The following SESN2 variants were observed in gnomAD, a reference collection of about 807,000 sequenced individuals.
The protein encoded by SESN2 is sestrin 2.
A neutral mutation model predicts 56.0 loss-of-function variants in SESN2; 42 were observed. That is an observed-to-expected ratio of 0.75 (90% CI 0.59 to 0.97). SESN2 has a LOEUF of 0.97. SESN2 is among the 50% of genes least tolerant of loss of function. SESN2 has a pLI of 0.00. For synonymous variants in SESN2, 264 were observed against 267.1 expected (o/e 0.99, Z 0.11); for missense variants, 507 against 649.4 (o/e 0.78, Z 2.38).
At position 28,271,846 on chromosome 1, in the gene SESN2, C is replaced by T. The variant is rs748874332; in HGVS notation, c.329C>T (p.Ser110Phe). The T allele has an allele frequency of 1.9e-6, 3 of 1,614,190 alleles. No individual in the cohort carries two copies. Among genetic ancestry groups the T allele is most frequent in the East Asian group, 2.2e-5 (1 of 44,882 alleles). The change falls in exon 3 of 10, where the codon TCC becomes TTC. Residue 110 changes from serine to phenylalanine, a missense_variant. Coordinates refer to ENST00000253063, the MANE Select transcript of SESN2 (RefSeq NM_031459.5). ...CACACGGATGGTCCCTTGGCCAGCT[C>T]CTGGCGCCACTACATTGCCATCATG... ...LLHTDGPLAS[S>F]WRHYIAIMAA...
At position 28,269,089 on chromosome 1, in the gene SESN2, T is replaced by C. The variant is rs533307421; in HGVS notation, c.91-94T>C. 4.9e-5 allele frequency: 42 copies of C among 859,202 alleles called. No homozygotes were observed. In the East Asian group the frequency reaches 1.1e-3, roughly 23 times the overall value. 53.2% of individuals were successfully genotyped at this position (859,202 alleles called of 1,614,324 possible). A position where few individuals can be genotyped will look rare whatever the true frequency, so the allele number is the denominator to read the frequency against. ...TAGAAAGGTGGGTTTAACACTTCAGTGTAGCCCCTTGGATAGGAGGAAGAG... is the reference window on the plus strand; with the variant it reads ...TAGAAAGGTGGGTTTAACACTTCAGCGTAGCCCCTTGGATAGGAGGAAGAG... On this transcript the variant is annotated intron_variant, in intron 1 of 9. Transcript: ENST00000253063.
intron 1 of SESN2, among the ~76,000 whole-genome samples, chr1:28,260,928 CGCTATAGCCCCATTTTACAGGAAGAACA>C (rs1331899532): frequency 3.3e-5 from 5 of 152,106 alleles, no homozygotes; most frequent in Admixed American, 3.3e-4. Context: ...ATACAAGCTA[CGCTATAGCCCCATTTTACAGGAAGAACA>C]TTGAGGCCCA....
chr1:28,259,978 C>T, intron 1 of SESN2, 41 bp downstream of exon 1: 4 of 1,417,566 alleles, frequency 2.8e-6, no homozygotes, highest in Non-Finnish European at 3.8e-6. Flanking sequence ...CCTGGAACCC[C>T]GAACCGCGTC....
chr1:28,263,661 C>T (rs2149035958), intron 1 of SESN2, among the ~76,000 whole-genome samples: 1 of 152,046 alleles, frequency 6.6e-6, no homozygotes, highest in East Asian at 1.9e-4. Context: ...AGACAGAACC[C>T]TTGGAAGCCA....
chr1:28,277,975 GC>G (rs1449472891), intron 8 of SESN2, among the ~76,000 whole-genome samples: 1 of 152,108 alleles, frequency 6.6e-6, no homozygotes, highest in Admixed American at 6.6e-5. Flanking sequence ...TTCCAAATCT[GC>G]CCTCCAGTTT....
intron 9 of SESN2, among the ~76,000 whole-genome samples, chr1:28,280,043 G>A (rs1032836093): frequency 3.3e-5 from 5 of 151,822 alleles, no homozygotes; most frequent in African/African-American, 1.2e-4. Flanking sequence ...TCACTGTGTT[G>A]TCCATCCTGG....
intron 6 of SESN2, among the ~76,000 whole-genome samples, 197 bp from the exon 7 acceptor site, chr1:28,273,843 G>C (rs184401012): frequency 6.6e-6 from 1 of 152,146 alleles, no homozygotes; most frequent in Non-Finnish European, 1.5e-5. Flanking sequence ...CAGGGGCCTC[G>C]CTTCATGGGT....
In SESN2 at chr1:28,280,038, G is replaced by A. The variant is rs148115116; in HGVS notation, c.1357-678G>A. The stretch of plus-strand genomic sequence containing the variant: ...TTCCTAGTAGAGATAAGGTCTCACT[G>A]TGTTGTCCATCCTGGTCTCAACCTC... On this transcript the variant is annotated intron_variant, in intron 9 of 9. Transcript: ENST00000253063. 7.2e-5 allele frequency among the ~76,000 whole-genome samples: 11 copies of A among 151,808 alleles called. No individual in the cohort carries two copies. In the East Asian group the frequency reaches 2.0e-3, roughly 27 times the overall value.
chr1:28,276,934 T>G (rs7531412), intron 8 of SESN2, among the ~76,000 whole-genome samples: 42,070 of 146,538 alleles, frequency 0.29, 7,023 homozygotes, highest in Admixed American at 0.45. Flanking sequence ...TGAGACGGAG[T>G]CTCGCTCTGT....
rs367784435 is a variant in SESN2 at position 28,269,204 on chromosome 1, C to G, written c.112C>G (p.Arg38Gly). ...CCAGGAGCAGAGGGAGAGCCGGGCTCGGCGAGGCCCTCGAGGGCCCAGCGC... is the reference window on the plus strand; with the variant it reads ...CCAGGAGCAGAGGGAGAGCCGGGCTGGGCGAGGCCCTCGAGGGCCCAGCGC... ...PGEEQRESRA[R>G]RGPRGPSAFI... The change falls in exon 2 of 10, where the codon CGG becomes GGG. Residue 38 changes from arginine to glycine, a missense_variant. Transcript: ENST00000253063. 7.0e-5 allele frequency: 113 copies of G among 1,612,792 alleles called. No homozygotes were observed. The highest frequency in any genetic ancestry group is 1.5e-4 in the Admixed American group (9 of 59,864).
intron 9 of SESN2, among the ~76,000 whole-genome samples, chr1:28,279,600 C>CA (rs960644011): frequency 1.1e-4 from 17 of 151,714 alleles, no homozygotes; most frequent in Admixed American, 5.3e-4. Context: ...GGCTGGAGTG[C>CA]AGTGGCACGA....
rs375003591 is a variant in SESN2, at chr1:28,274,486, G to C, written c.1020+328G>C. Among the ~76,000 whole-genome samples, 518 of 152,108 alleles carry C rather than the reference G, an allele frequency of 3.4e-3. 32 individuals carry two copies. The South Asian group carries it at 0.1, about 30-fold the overall frequency. On this transcript the variant is annotated intron_variant, in intron 7 of 9. Coordinates refer to ENST00000253063, the MANE Select transcript of SESN2 (RefSeq NM_031459.5). ...ATCAAGGCTGCAGTGAGCTGTGATC[G>C]CGCTACTGCGCTCCAGCCTGGGTGA...
chr1:28,274,157 A>T lies in SESN2; in HGVS notation c.1019A>T (p.Gln340Leu). The change falls in exon 7 of 10, where the codon CAG becomes CTG. Residue 340 changes from glutamine (Q) to leucine (L), a missense_variant and splice_region_variant. Gln to Leu is a moderately radical substitution (Grantham distance 113). Coordinates refer to ENST00000253063, the MANE Select transcript of SESN2 (RefSeq NM_031459.5). ...GAQAPPTFRA[Q>L]DYTWEDHGYS... ...CAGGCACCCCCTACCTTCCGGGCCC[A>T]GGTAGGGCTCTCTCTACTAGTCTTG... 2 of 1,593,928 alleles carry T rather than the reference A, an allele frequency of 1.3e-6. No homozygotes were observed. The highest frequency in any genetic ancestry group is 1.7e-6 in the Non-Finnish European group (2 of 1,161,616).
At chr1:28,261,547 T>A (rs1328504120) in intron 1 of SESN2, among the ~76,000 whole-genome samples, 2 of 152,148 alleles carry the variant, frequency 1.3e-5, no homozygotes, top group African/African-American at 4.8e-5. Context: ...ACATAGTAAC[T>A]GCGTGATACT....
intron 9 of SESN2, among the ~76,000 whole-genome samples, chr1:28,280,274 A>G (rs1290318414): frequency 3.9e-5 from 6 of 152,120 alleles, no homozygotes; most frequent in African/African-American, 1.2e-4. Flanking sequence ...AAAAATGTAC[A>G]TAAACCTCTG....
In SESN2 at chr1:28,274,081, T is replaced by C. The variant is rs777757853; in HGVS notation, c.943T>C (p.Phe315Leu). Residue 315 changes from phenylalanine to leucine, a missense_variant, in exon 7 of 10, where the codon TTT becomes CTT. Phe to Leu is a conservative substitution (Grantham distance 22). Transcript: ENST00000253063. ...CTCTCCACACCCAGACATGCTGTGC[T>C]TTGTGGAAGACCCTACTTTCGGATA... ...EPSPHPDMLC[F>L]VEDPTFGYED... The C allele has an allele frequency of 1.9e-6, 3 of 1,614,034 alleles. No homozygotes were observed. Among genetic ancestry groups the C allele is most frequent in the Admixed American group, 1.7e-5 (1 of 60,008 alleles).
intron 1 of SESN2, among the ~76,000 whole-genome samples, chr1:28,264,143 G>A (rs1248954351): frequency 6.6e-6 from 1 of 151,148 alleles, no homozygotes; most frequent in Non-Finnish European, 1.5e-5. Context: ...AGGTGAGCAG[G>A]TTATGTCTCT....
In SESN2 at chr1:28,259,672, T is replaced by G; in HGVS notation, c.-176T>G. The stretch of plus-strand genomic sequence containing the variant: ...TCCCGAAGCCCGACTGGGGGAAGAG[T>G]CCAGCACCAAAGCGGCCGTTCTCGG... On this transcript the variant is annotated 5_prime_UTR_variant, in exon 1 of 10. Coordinates refer to ENST00000253063, the MANE Select transcript of SESN2 (RefSeq NM_031459.5). 2.0e-6 allele frequency: 1 copy of G among 493,736 alleles called. No individual in the cohort carries two copies. The highest frequency in any genetic ancestry group is 3.5e-6 in the Non-Finnish European group (1 of 285,170). The allele number at this position is 493,736 out of a possible 1,614,324, so 30.6% of individuals were successfully genotyped here.
chr1:28,265,352 G>A (rs973474118), intron 1 of SESN2, among the ~76,000 whole-genome samples: 10 of 152,244 alleles, frequency 6.6e-5, no homozygotes, highest in Admixed American at 2.0e-4. Flanking sequence ...TTATACTCGC[G>A]TTCCCTCTGG....
Sources: gnomAD v4.1 joint callset for allele counts (sites outside exome capture counted in the v4.1 genomes callset) on GRCh38, gnomAD v4.1.1 for gene constraint, MANE v1.5 for transcripts, NCBI Gene and HGNC (gene_info 2026-07-23, HGNC 2026-07-21) for gene names.